YES1: variants seen among roughly 807,000 people sequenced by gnomAD.
YES1 encodes the protein YES proto-oncogene 1, Src family tyrosine kinase.
YES1 carries 39 observed loss-of-function variants against 70.4 expected under a neutral mutation model. The ratio of observed to expected loss-of-function variants is 0.55; its 90% CI spans 0.43 to 0.72. The LOEUF (loss-of-function observed/expected upper bound fraction) is 0.72, where lower values mean the gene tolerates loss of function less well. Among genes scored for constraint, YES1 ranks in the 30% least tolerant of loss-of-function variants. YES1 has a pLI of 0.00. For synonymous variants in YES1, 198 were observed against 218.6 expected (o/e 0.91, Z 0.83); for missense variants, 495 against 644.8 (o/e 0.77, Z 2.52).
At chr18:759,116 T>C (rs1195749989) in intron 1 of YES1, among the ~76,000 whole-genome samples, 1 of 152,206 alleles carries the variant, frequency 6.6e-6, no homozygotes, top group Non-Finnish European at 1.5e-5. Context: ...GAATTGGGTT[T>C]TAGATCACTC....
rs1388570506 is a variant in YES1, at chr18:723,996, T to G, written c.*428A>C. On this transcript the variant is annotated 3_prime_UTR_variant, in exon 12 of 12. Transcript: ENST00000314574. ...CTTTAAAAAACTGGAATGGAATTAT[T>G]TGGTCCCATGATATTCCTTAATTTT... The G allele has an allele frequency of 6.4e-6, 1 of 156,836 alleles. No homozygotes were observed. The highest frequency in any genetic ancestry group is 1.4e-5 in the Non-Finnish European group (1 of 70,680). The allele number at this position is 156,836 out of a possible 1,614,324, so 9.7% of individuals were successfully genotyped here. A position where few individuals can be genotyped will look rare whatever the true frequency, so the allele number is the denominator to read the frequency against.
intron 1 of YES1, among the ~76,000 whole-genome samples, chr18:793,750 C>T (rs752044321): frequency 5.9e-5 from 9 of 151,986 alleles, no homozygotes; most frequent in Non-Finnish European, 1.0e-4. Context: ...TTGTAATATA[C>T]CAAAAATAGT....
intron 11 of YES1, 91 bp from the exon 12 acceptor site, chr18:724,723 G>A: frequency 5.2e-6 from 5 of 964,884 alleles, no homozygotes; most frequent in Non-Finnish European, 7.9e-6. Context: ...CTCATTCAAA[G>A]TATATTATTT....
chr18:732,876 G>A lies in YES1; in HGVS notation c.1381C>T (p.Leu461=). Residue 461 remains leucine, a synonymous_variant, in exon 11 of 12, where the codon CTG becomes TTG. Transcript: ENST00000314574. The stretch of plus-strand genomic sequence containing the variant: ...CCCTTTGTTACTAGTTCTGTTTGCA[G>A]AATTCCAAATGACCAGACATCAGAC... The part of the protein sequence containing the change: ...IKSDVWSFGI[L]QTELVTKGRV... 1 of 1,614,232 alleles carries A rather than the reference G, an allele frequency of 6.2e-7. No homozygotes were observed. The highest frequency in any genetic ancestry group is 8.5e-7 in the Non-Finnish European group (1 of 1,180,040).
chr18:789,810 A>G (rs993375429), intron 1 of YES1, among the ~76,000 whole-genome samples: 3 of 152,168 alleles, frequency 2.0e-5, no homozygotes, highest in African/African-American at 7.2e-5. Context: ...CTGTAATCCC[A>G]GCACTTTGGG....
intron 1 of YES1, chr18:787,789 G>C (rs764662846): frequency 7.2e-5 from 11 of 151,972 alleles, no homozygotes; most frequent in Non-Finnish European, 1.5e-4. Context: ...GATAAATACT[G>C]ATCAAAAATT....
chr18:742,896 C>G, intron 8 of YES1, 22 bp downstream of exon 8: 1 of 1,544,560 alleles, frequency 6.5e-7, no homozygotes, highest in Non-Finnish European at 8.7e-7. Context: ...ACACAAATAC[C>G]TAAGGAGATA....
chr18:742,113 G>A (rs2080222838), intron 8 of YES1, among the ~76,000 whole-genome samples: 1 of 152,114 alleles, frequency 6.6e-6, no homozygotes, highest in South Asian at 2.1e-4. Flanking sequence ...TGGTTCAAGA[G>A]TAAAAATAAT....
At chr18:726,486 A>G (rs1043994574) in intron 11 of YES1, among the ~76,000 whole-genome samples, 1 of 151,656 alleles carries the variant, frequency 6.6e-6, no homozygotes, top group African/African-American at 2.4e-5. Context: ...GAACTATTAA[A>G]TTATTTGATG....
chr18:793,407 G>A (rs535129205), intron 1 of YES1, among the ~76,000 whole-genome samples: 5 of 152,204 alleles, frequency 3.3e-5, no homozygotes, highest in South Asian at 2.1e-4. Flanking sequence ...CATGATCATC[G>A]CTCACTACAG....
rs560393090 is a variant in YES1 at position 723,269 on chromosome 18, A to G, written c.*1155T>C. 4 of 152,758 alleles carry G rather than the reference A, an allele frequency of 2.6e-5. No homozygotes were observed. Among genetic ancestry groups the G allele is most frequent in the African/African-American group, 9.6e-5 (4 of 41,590 alleles). 9.5% of individuals were successfully genotyped at this position (152,758 alleles called of 1,614,324 possible). On this transcript the variant is annotated 3_prime_UTR_variant, in exon 12 of 12. Transcript: ENST00000314574. ...AAAATTAGTTTTATAGTTATACTTT[A>G]TAACTCTTCAAAGTCTCAGAATATA... is the stretch of plus-strand genomic sequence containing the variant.
intron 2 of YES1, among the ~76,000 whole-genome samples, chr18:755,253 T>C (rs1312117582): frequency 1.4e-5 from 2 of 142,886 alleles, no homozygotes; most frequent in Non-Finnish European, 3.0e-5. Flanking sequence ...GCCATTGCCT[T>C]TTTTTTTTTT....
At chr18:795,987 T>C (rs115854277) in intron 1 of YES1, among the ~76,000 whole-genome samples, 2,162 of 151,036 alleles carry the variant, frequency 0.014, 47 homozygotes, top group African/African-American at 0.05. Flanking sequence ...AGAGTCTATA[T>C]AATAAAACTG....
intron 1 of YES1, among the ~76,000 whole-genome samples, chr18:773,725 C>T (rs1385672120): frequency 1.3e-5 from 2 of 152,178 alleles, no homozygotes; most frequent in East Asian, 3.8e-4. Context: ...TTCCAACTTT[C>T]CTATGTTTCT....
At chr18:763,941 G>A (rs973561013) in intron 1 of YES1, among the ~76,000 whole-genome samples, 7 of 151,754 alleles carry the variant, frequency 4.6e-5, no homozygotes, top group Middle Eastern at 3.4e-3. Flanking sequence ...CTAACAGGGC[G>A]AAAACCCGTT....
At chr18:733,238 T>C (rs560246527) in intron 10 of YES1, among the ~76,000 whole-genome samples, 43 of 152,236 alleles carry the variant, frequency 2.8e-4, no homozygotes, top group Non-Finnish European at 5.3e-4. Flanking sequence ...GTTGAAGCTC[T>C]AGTAAGCCAA....
chr18:757,466 G>A (rs982020564), intron 1 of YES1, among the ~76,000 whole-genome samples: 2 of 144,728 alleles, frequency 1.4e-5, no homozygotes, highest in African/African-American at 5.2e-5. Context: ...TCGCGCCACT[G>A]CACTCCAGCC....
In YES1 at chr18:758,456, C is replaced by T. The variant is rs1034642032; in HGVS notation, c.-8-1621G>A. On this transcript the variant is annotated intron_variant, in intron 1 of 11. Transcript: ENST00000314574. The stretch of plus-strand genomic sequence containing the variant: ...TTATTTCCTACTGTCCTCATACTTA[C>T]GCTCACACACACACAAATCTTGTTT... Among the ~76,000 whole-genome samples, 21 of 152,282 alleles carry T rather than the reference C, an allele frequency of 1.4e-4. 1 individual carries two copies. The highest frequency in any genetic ancestry group is 1.0e-3 in the South Asian group (5 of 4,820).
At chr18:792,545 CTCTCTCT>C (rs1568216855) in intron 1 of YES1, among the ~76,000 whole-genome samples, 24 of 128,500 alleles carry the variant, frequency 1.9e-4, no homozygotes, top group African/African-American at 7.7e-4. Context: ...CTCTCTCTCT[CTCTCTCT>C]CTCCCTCTGT....
Sources: allele counts gnomAD v4.1 joint callset (sites outside exome capture counted in the v4.1 genomes callset), GRCh38; gene constraint gnomAD v4.1.1; transcripts MANE v1.5; gene names NCBI Gene and HGNC (gene_info 2026-07-23, HGNC 2026-07-21).